The following IGSF21 variants were observed in gnomAD, a reference collection of about 807,000 sequenced individuals.
The protein encoded by IGSF21 is immunoglobin superfamily member 21.
A neutral mutation model predicts 46.8 loss-of-function variants in IGSF21; 28 were observed. The observed-to-expected ratio is 0.60, with a 90% CI of 0.44 to 0.82. The LOEUF (loss-of-function observed/expected upper bound fraction) is 0.82. Ranked by LOEUF, IGSF21 falls within the 40% of genes least tolerant of loss-of-function variation. IGSF21 has a pLI of 0.00. For missense variants in IGSF21, 624 were observed against 665.5 expected, an observed-to-expected ratio of 0.94 and a Z score of 0.69; for synonymous variants, 284 against 273.6, an observed-to-expected ratio of 1.04 and a Z score of -0.38.
At position 18,334,881 on chromosome 1, in the gene IGSF21, G is replaced by C. The variant is rs941423082; in HGVS notation, c.306-11G>C. 7 of 1,608,808 alleles carry C rather than the reference G, an allele frequency of 4.4e-6. No homozygotes were observed. The African/African-American group carries it at 6.7e-5, about 15-fold the overall frequency. On this transcript the variant is annotated splice_polypyrimidine_tract_variant and intron_variant, in intron 3 of 9. Coordinates refer to ENST00000251296, the MANE Select transcript of IGSF21 (RefSeq NM_032880.5). The surrounding 1 kb of genome is among the most constrained non-coding windows in gnomAD (Gnocchi z 4.3). The stretch of plus-strand genomic sequence containing the variant: ...ATGAAGGGCCCTCACCCTGTCTTCT[G>C]CCTCCCCCAGGCTGCCCGAGGTCCG...
intron 3 of IGSF21, among the ~76,000 whole-genome samples, chr1:18,331,187 G>A (rs1432835899): frequency 2.6e-5 from 4 of 152,102 alleles, no homozygotes; most frequent in Non-Finnish European, 4.4e-5. Context: ...GTGGTGATTT[G>A]TGAGATTTAG....
chr1:18,256,439 T>C (rs949653990), intron 2 of IGSF21, among the ~76,000 whole-genome samples: 1 of 152,182 alleles, frequency 6.6e-6, no homozygotes, highest in Non-Finnish European at 1.5e-5. Flanking sequence ...TACAGCTGTC[T>C]CCCTAACGTT....
chr1:18,171,535 G>T (rs1460466401), intron 1 of IGSF21, among the ~76,000 whole-genome samples: 1 of 152,168 alleles, frequency 6.6e-6, no homozygotes, highest in Non-Finnish European at 1.5e-5. Context: ...TTTCGTTCTG[G>T]CTCTGCTGCT....
intron 1 of IGSF21, among the ~76,000 whole-genome samples, chr1:18,143,370 C>T (rs867337642): frequency 7.9e-5 from 12 of 152,298 alleles, no homozygotes; most frequent in Middle Eastern, 3.4e-3. Context: ...CTCCTGCCTC[C>T]GCTCTTCCTC....
At chr1:18,249,487 G>T (rs1405999387) in intron 2 of IGSF21, among the ~76,000 whole-genome samples, 7 of 152,160 alleles carry the variant, frequency 4.6e-5, no homozygotes, top group Non-Finnish European at 1.0e-4. Flanking sequence ...GGGAAAGGTG[G>T]TGTGGGAAGG....
chr1:18,213,907 G>A (rs986576327), intron 1 of IGSF21, among the ~76,000 whole-genome samples: 5 of 152,122 alleles, frequency 3.3e-5, no homozygotes, highest in Non-Finnish European at 5.9e-5. Flanking sequence ...TCAAAGGCCT[G>A]AGGACTGACT....
chr1:18,373,523 C>T (rs1351117803), intron 6 of IGSF21, among the ~76,000 whole-genome samples: 4 of 152,166 alleles, frequency 2.6e-5, no homozygotes, highest in African/African-American at 9.7e-5. Flanking sequence ...CCATCGGCTG[C>T]AAACGCACTT....
At position 18,180,683 on chromosome 1, in the gene IGSF21, A is replaced by G. The variant is rs112995177; in HGVS notation, c.71-47215A>G. ...CTAGGCTCTTTGTTGGAAACTGTGG[A>G]TGTCACACTATAGCTCATACTTACT... On this transcript the variant is annotated intron_variant, in intron 1 of 9. Transcript: ENST00000251296. Among the ~76,000 whole-genome samples, 277 of 152,322 alleles carry G rather than the reference A, an allele frequency of 1.8e-3. 1 individual carries two copies. The highest frequency in any genetic ancestry group is 6.2e-3 in the African/African-American group (257 of 41,574).
At chr1:18,303,430 T>C (rs563160825) in intron 3 of IGSF21, among the ~76,000 whole-genome samples, 109 of 152,186 alleles carry the variant, frequency 7.2e-4, no homozygotes, top group African/African-American at 2.4e-3. Context: ...CCTATGCTCA[T>C]GGAATAGGGT....
At chr1:18,227,715 C>A (rs902322059) in intron 1 of IGSF21, among the ~76,000 whole-genome samples, 183 bp from the exon 2 acceptor site, 1 of 151,914 alleles carries the variant, frequency 6.6e-6, no homozygotes, top group Non-Finnish European at 1.5e-5. Context: ...GGGTGATTGG[C>A]TCCATTTGGG....
In IGSF21 at chr1:18,326,804, G is replaced by A. The variant is rs374092313; in HGVS notation, c.306-8088G>A. ...TCAGACTGAATTTGGGCTTGCTCCC[G>A]TAGTCGATGGAAGCTGCAGGAAGGG... On this transcript the variant is annotated intron_variant, in intron 3 of 9. Coordinates refer to ENST00000251296, the MANE Select transcript of IGSF21 (RefSeq NM_032880.5). Among the ~76,000 whole-genome samples, 328 of 152,270 alleles carry A rather than the reference G, an allele frequency of 2.2e-3. 2 individuals are homozygous for A. Among genetic ancestry groups the A allele is most frequent in the African/African-American group, 7.5e-3 (310 of 41,554 alleles).
At chr1:18,325,679 AG>A (rs1427773392) in intron 3 of IGSF21, among the ~76,000 whole-genome samples, 1 of 152,196 alleles carries the variant, frequency 6.6e-6, no homozygotes, top group Non-Finnish European at 1.5e-5. Flanking sequence ...TGTACATCCC[AG>A]AACCCCCCTG....
chr1:18,225,194 C>G (rs1245119763), intron 1 of IGSF21, among the ~76,000 whole-genome samples: 1 of 151,666 alleles, frequency 6.6e-6, no homozygotes, highest in Non-Finnish European at 1.5e-5. Context: ...CTGGGAAAAG[C>G]TGTCTTGTCT....
intron 2 of IGSF21, among the ~76,000 whole-genome samples, chr1:18,258,756 C>T (rs1414677730): frequency 6.6e-6 from 1 of 152,208 alleles, no homozygotes; most frequent in Non-Finnish European, 1.5e-5. Context: ...GAAGATACTT[C>T]CTTCCATGTG....
intron 2 of IGSF21, among the ~76,000 whole-genome samples, chr1:18,278,634 G>C (rs913704120): frequency 1.3e-5 from 2 of 151,658 alleles, no homozygotes; most frequent in Non-Finnish European, 2.9e-5. Flanking sequence ...GCTTATTACA[G>C]CCTCAACTTC....
chr1:18,275,872 C>T (rs992177014), intron 2 of IGSF21, among the ~76,000 whole-genome samples: 2 of 152,160 alleles, frequency 1.3e-5, no homozygotes, highest in African/African-American at 4.8e-5. Context: ...CTCTTGGATT[C>T]AGGGAGACCT....
At chr1:18,149,103 C>A (rs752757222) in intron 1 of IGSF21, among the ~76,000 whole-genome samples, 5 of 152,188 alleles carry the variant, frequency 3.3e-5, no homozygotes, top group African/African-American at 1.2e-4. Flanking sequence ...AGTACTCCTG[C>A]GGCCCACCTT....
intron 3 of IGSF21, among the ~76,000 whole-genome samples, chr1:18,331,352 T>C (rs756966811): frequency 1.3e-5 from 2 of 152,166 alleles, no homozygotes; most frequent in African/African-American, 4.8e-5. Flanking sequence ...CATGAGAACA[T>C]ACAATGTTTG....
intron 2 of IGSF21, among the ~76,000 whole-genome samples, chr1:18,243,664 C>G (rs1569614512): frequency 2.0e-5 from 3 of 152,286 alleles, no homozygotes; most frequent in Middle Eastern, 3.4e-3. Flanking sequence ...CTGGCACTGC[C>G]CCTTTCTGGC....
Sources: allele counts gnomAD v4.1 joint callset (sites outside exome capture counted in the v4.1 genomes callset), GRCh38; gene constraint gnomAD v4.1.1; non-coding constraint Gnocchi (gnomAD v3.1); transcripts MANE v1.5; gene names NCBI Gene and HGNC (gene_info 2026-07-23, HGNC 2026-07-21).